RRBP1: variants seen among roughly 807,000 people sequenced by gnomAD.
RRBP1 encodes the protein ribosome-binding protein 1.
Under a neutral mutation model 165.2 loss-of-function variants are expected in RRBP1, and 94 were observed. The ratio of observed to expected loss-of-function variants is 0.57; its 90% CI spans 0.48 to 0.68. The LOEUF (loss-of-function observed/expected upper bound fraction) is 0.68, where lower values mean the gene tolerates loss of function less well. Among genes scored for constraint, RRBP1 ranks in the 30% least tolerant of loss-of-function variants. RRBP1 has a pLI of 0.00. For missense variants in RRBP1, 1,676 were observed against 1,763.0 expected, an observed-to-expected ratio of 0.95 and a Z score of 0.88; for synonymous variants, 680 against 714.5, an observed-to-expected ratio of 0.95 and a Z score of 0.77.
intron 2 of RRBP1, among the ~76,000 whole-genome samples, chr20:17,663,071 G>C (rs371772106): frequency 5.9e-5 from 9 of 152,114 alleles, no homozygotes; most frequent in African/African-American, 1.9e-4. Context: ...ACGAACATTA[G>C]GGGCCTGGGT....
intron 2 of RRBP1, among the ~76,000 whole-genome samples, chr20:17,671,140 T>C (rs943683775): frequency 2.0e-5 from 3 of 152,230 alleles, no homozygotes; most frequent in Non-Finnish European, 4.4e-5. Context: ...CTACAAGTTG[T>C]TCCTGGTTCC....
At chr20:17,661,854 G>T (rs914374508) in intron 2 of RRBP1, among the ~76,000 whole-genome samples, 1 of 152,188 alleles carries the variant, frequency 6.6e-6, no homozygotes, top group Non-Finnish European at 1.5e-5. Context: ...CTCTTGAGTG[G>T]TTATAGAGGA....
chr20:17,681,706 T>C (rs889159522), intron 1 of RRBP1, among the ~76,000 whole-genome samples: 184 of 149,878 alleles, frequency 1.2e-3, no homozygotes, highest in Non-Finnish European at 2.2e-3. Flanking sequence ...CCGACGGCCC[T>C]GCCGGGAGGG....
At chr20:17,652,889 T>C (rs2036582853) in intron 3 of RRBP1, among the ~76,000 whole-genome samples, 1 of 152,196 alleles carries the variant, frequency 6.6e-6, no homozygotes, top group Non-Finnish European at 1.5e-5. Flanking sequence ...AAACTCCACA[T>C]ATAAGACGTA....
chr20:17,677,749 G>C (rs1012263421), intron 2 of RRBP1, among the ~76,000 whole-genome samples: 8 of 152,054 alleles, frequency 5.3e-5, no homozygotes, highest in African/African-American at 1.4e-4. Context: ...TGAGGCAGAA[G>C]AATCACTTGA....
chr20:17,657,465 G>A (rs1294237809), intron 3 of RRBP1, among the ~76,000 whole-genome samples: 2 of 151,992 alleles, frequency 1.3e-5, no homozygotes, highest in Middle Eastern at 3.2e-3. Context: ...GCCCGACACA[G>A]GTACAAACAT....
chr20:17,662,873 C>A (rs886866495), intron 2 of RRBP1, among the ~76,000 whole-genome samples: 1 of 152,092 alleles, frequency 6.6e-6, no homozygotes, highest in Non-Finnish European at 1.5e-5. Flanking sequence ...ACATTATAAT[C>A]ACTACATTCA....
rs1188211662 is a variant in RRBP1 at position 17,621,554 on chromosome 20, G to A, written c.3325-7C>T. 6.2e-7 allele frequency: 1 copy of A among 1,611,128 alleles called. No homozygotes were observed. On this transcript the variant is annotated splice_region_variant and splice_polypyrimidine_tract_variant and intron_variant, in intron 15 of 24. Transcript: ENST00000377813. ...TCAACTTGGAGGCCAGGTCCTGAGA[G>A]AGGGAAGAACAGGTGTTTAGTTAGC...
chr20:17,681,466 CCCGGGACCGGCGCGCTCGGCCCGTGGG>C (rs1187340332), intron 1 of RRBP1, among the ~76,000 whole-genome samples: 1 of 148,390 alleles, frequency 6.7e-6, no homozygotes, highest in Non-Finnish European at 1.5e-5. Context: ...CGGGCCGCGG[CCCGGGACCGGCGCGCTCGGCCCGTGGG>C]CCCCCATTCA....
At chr20:17,639,828 G>A (rs1371994144) in intron 5 of RRBP1, among the ~76,000 whole-genome samples, 1 of 151,008 alleles carries the variant, frequency 6.6e-6, no homozygotes, top group Non-Finnish European at 1.5e-5. Context: ...GGGAGGCGGA[G>A]GTTGCAGTGA....
intron 3 of RRBP1, among the ~76,000 whole-genome samples, chr20:17,654,400 C>T (rs369144341): frequency 4.6e-5 from 7 of 152,326 alleles, no homozygotes; most frequent in African/African-American, 1.7e-4. Context: ...TAAGGACTTA[C>T]GGGTTTTCTG....
intron 9 of RRBP1, 40 bp from the exon 10 acceptor site, chr20:17,627,722 A>G: frequency 6.5e-7 from 1 of 1,545,120 alleles, no homozygotes; most frequent in South Asian, 1.2e-5. Flanking sequence ...AAGAGACTGC[A>G]AACCCCAGGG....
At chr20:17,647,195 T>C (rs575568612) in intron 3 of RRBP1, among the ~76,000 whole-genome samples, 2 of 152,314 alleles carry the variant, frequency 1.3e-5, no homozygotes, top group South Asian at 2.1e-4. Context: ...AGTTCGTAAA[T>C]TGCTGGGCCT....
chr20:17,642,670 T>C (rs1014368174), intron 4 of RRBP1, among the ~76,000 whole-genome samples: 5 of 152,090 alleles, frequency 3.3e-5, no homozygotes, highest in African/African-American at 1.2e-4. Context: ...GGCCCCACAC[T>C]GTGTCCCTAT....
Position 17,659,658 on chromosome 20 carries a change from C to T in RRBP1, c.850G>A (p.Gly284Arg). The T allele has an allele frequency of 6.4e-7, 1 of 1,550,444 alleles. No individual in the cohort carries two copies. The highest frequency in any genetic ancestry group is 1.2e-5 in the South Asian group (1 of 84,050). Residue 284 changes from glycine (G) to arginine (R), a missense_variant, in exon 3 of 25, where the codon GGG becomes AGG. Coordinates refer to ENST00000377813, the MANE Select transcript of RRBP1 (RefSeq NM_001365613.2). ...GCCTTTCTGCCCTGGGTTGGGGCCC[C>T]CTCCACCTTTTTCCCCTGGTTTGGG... ...TTPNQGKKVE[G>R]APTQGRKAEG... is the part of the protein sequence containing the mutation.
intron 2 of RRBP1, among the ~76,000 whole-genome samples, chr20:17,661,222 A>T (rs1245172890): frequency 1.3e-5 from 2 of 152,234 alleles, no homozygotes; most frequent in African/African-American, 4.8e-5. Context: ...GATCAGAGAT[A>T]AAAACTTCTG....
intron 2 of RRBP1, among the ~76,000 whole-genome samples, chr20:17,664,515 C>G (rs747428798): frequency 1.3e-5 from 2 of 152,198 alleles, no homozygotes; most frequent in Non-Finnish European, 2.9e-5. Flanking sequence ...TAGGAGGCTG[C>G]GCAGAGGCTG....
At chr20:17,637,722 C>T (rs191275382) in intron 5 of RRBP1, among the ~76,000 whole-genome samples, 3 of 152,296 alleles carry the variant, frequency 2.0e-5, no homozygotes, top group South Asian at 2.1e-4. Context: ...GGTGCTGTTC[C>T]GTGCTCCTGG....
chr20:17,669,454 T>C (rs1278803832), intron 2 of RRBP1, among the ~76,000 whole-genome samples: 1 of 152,250 alleles, frequency 6.6e-6, no homozygotes, highest in Non-Finnish European at 1.5e-5. Context: ...AAGGGAGTTC[T>C]TACTGCCGTA....
Sources: allele counts gnomAD v4.1 joint callset (sites outside exome capture counted in the v4.1 genomes callset), GRCh38; gene constraint gnomAD v4.1.1; transcripts MANE v1.5; gene names NCBI Gene and HGNC (gene_info 2026-07-23, HGNC 2026-07-21).